E4F1: variants seen among roughly 807,000 people sequenced by gnomAD.
E4F1 encodes E4F transcription factor 1.
In E4F1, 30 loss-of-function variants were observed where a neutral mutation model predicts 72.9. That is an observed-to-expected ratio of 0.41 (90% CI 0.31 to 0.56). E4F1 has a LOEUF of 0.56. Ranked by LOEUF, E4F1 falls within the 20% of genes least tolerant of loss-of-function variation. The pLI is 0.25. For synonymous variants in E4F1, 542 were observed against 478.2 expected (o/e 1.13, Z -1.74); for missense variants, 1,091 against 1,117.5 (o/e 0.98, Z 0.34).
In E4F1 at chr16:2,234,825, G is replaced by C. The variant is rs762538116; in HGVS notation, c.1793-34G>C. 3.9e-6 allele frequency: 6 copies of C among 1,545,124 alleles called. No individual in the cohort carries two copies. The South Asian group carries it at 7.2e-5, about 18-fold the overall frequency. Reference sequence around the variant, plus strand: ...GGGAGGGGGAGGGGAGGGGGCCGGGGCTTGCCTAGCCCTGACCGAGTCCCC... The same window carrying C: ...GGGAGGGGGAGGGGAGGGGGCCGGGCCTTGCCTAGCCCTGACCGAGTCCCC... On this transcript the variant is annotated intron_variant, in intron 11 of 13. Coordinates refer to ENST00000301727, the MANE Select transcript of E4F1 (RefSeq NM_004424.5).
chr16:2,229,003 G>A (rs1228617416), intron 2 of E4F1, among the ~76,000 whole-genome samples: 2 of 152,228 alleles, frequency 1.3e-5, no homozygotes, highest in African/African-American at 2.4e-5. Context: ...ACGCCGCAGC[G>A]GGCGCTTGTC....
rs370942286 is a variant in E4F1, at chr16:2,232,375, G to A, written c.609+11G>A. On this transcript the variant is annotated intron_variant, in intron 4 of 13. Coordinates refer to ENST00000301727, the MANE Select transcript of E4F1 (RefSeq NM_004424.5). Reference sequence around the variant, plus strand: ...AAGACCTTCAAGACGGTGAGCCGGCGTGCGGGGAGCCAGTGTGTGGGTGGC... The same window carrying A: ...AAGACCTTCAAGACGGTGAGCCGGCATGCGGGGAGCCAGTGTGTGGGTGGC... 18 of 1,600,876 alleles carry A rather than the reference G, an allele frequency of 1.1e-5. No individual in the cohort carries two copies. The highest frequency in any genetic ancestry group is 4.5e-5 in the East Asian group (2 of 44,564).
At chr16:2,233,700 G>A in intron 8 of E4F1, 53 bp downstream of exon 8, 1 of 1,509,362 alleles carries the variant, frequency 6.6e-7, no homozygotes, top group Non-Finnish European at 8.9e-7. Context: ...CCCAGGGGCT[G>A]TCCCCACGCT....
intron 2 of E4F1, among the ~76,000 whole-genome samples, chr16:2,228,894 G>A (rs999699654): frequency 3.5e-4 from 53 of 152,350 alleles, no homozygotes; most frequent in African/African-American, 1.3e-3. Context: ...CACGTGAAGT[G>A]TGGCCCTGGG....
At chr16:2,233,737 C>T in intron 8 of E4F1, 90 bp downstream of exon 8, 1 of 1,453,592 alleles carries the variant, frequency 6.9e-7, no homozygotes, top group East Asian at 2.5e-5. Flanking sequence ...AAGTGGCTTT[C>T]TGCAGTGACT....
Position 2,234,843 on chromosome 16 carries a change from G to T in E4F1, c.1793-16G>T. 6.5e-7 allele frequency: 1 copy of T among 1,548,336 alleles called. No homozygotes were observed. Among genetic ancestry groups the T allele is most frequent in the Non-Finnish European group, 8.7e-7 (1 of 1,146,616 alleles). On this transcript the variant is annotated splice_polypyrimidine_tract_variant and intron_variant, in intron 11 of 13. Transcript: ENST00000301727. ...GGCCGGGGCTTGCCTAGCCCTGACC[G>T]AGTCCCCACCCACAGGGGGCTGCCT...
intron 2 of E4F1, 137 bp downstream of exon 2, chr16:2,228,660 T>C (rs2093447296): frequency 1.7e-6 from 2 of 1,144,144 alleles, no homozygotes; most frequent in Non-Finnish European, 2.5e-6. Flanking sequence ...CTGGCTGCGG[T>C]GTGGGAGGGT....
rs549051976 is a variant in E4F1, at chr16:2,234,965, G to C, written c.1899G>C (p.Ser633=). Residue 633 remains serine (S), a synonymous_variant, in exon 12 of 14, where the codon TCG becomes TCC. Transcript: ENST00000301727. ...EDPHTVLVEF[S]SVVADTQEYI... The stretch of plus-strand genomic sequence containing the variant: ...CGCACACAGTGTTGGTGGAGTTCTC[G>C]TCCGTGGTAGCTGACACCCAGGAGT... 1.2e-6 allele frequency: 2 copies of C among 1,600,550 alleles called. No individual in the cohort carries two copies. The highest frequency in any genetic ancestry group is 1.7e-6 in the Non-Finnish European group (2 of 1,173,866).
intron 9 of E4F1, 50 bp downstream of exon 9, chr16:2,234,040 G>T: frequency 6.5e-7 from 1 of 1,539,598 alleles, no homozygotes; most frequent in Non-Finnish European, 8.8e-7. Context: ...GGCTATAGGT[G>T]GCCGGGGTGC....
At chr16:2,229,725 G>A (rs372071032) in intron 3 of E4F1, 50 bp downstream of exon 3, 1 of 1,595,118 alleles carries the variant, frequency 6.3e-7, no homozygotes, top group Non-Finnish European at 8.6e-7. Context: ...CGTGGTTGGG[G>A]CCAGAGGATG....
In E4F1 at chr16:2,228,543, C is replaced by T. The variant is rs920410938; in HGVS notation, c.309+20C>T. ...CAGGAGGTGAGCCCTCACCCACTCC[C>T]CCATCCCCTCCCGGGTTCACCTGAC... is the stretch of plus-strand genomic sequence containing the variant. On this transcript the variant is annotated intron_variant, in intron 2 of 13. Coordinates refer to ENST00000301727, the MANE Select transcript of E4F1 (RefSeq NM_004424.5). The T allele has an allele frequency of 4.4e-6, 7 of 1,607,024 alleles. No homozygotes were observed. Among genetic ancestry groups the T allele is most frequent in the South Asian group, 1.1e-5 (1 of 90,802 alleles).
chr16:2,234,887 G>T lies in E4F1; in HGVS notation c.1821G>T (p.Leu607Phe). ...KGGCLLEVEE[L>F]LVSEDSPAAA... is the part of the protein sequence containing the mutation. ...GCTGCCTGCTGGAGGTGGAGGAGTT[G>T]CTGGTGTCTGAGGACAGCCCCGCGG... Residue 607 changes from leucine to phenylalanine, a missense_variant, in exon 12 of 14, where the codon TTG becomes TTT. Around this residue, in one of 5 missense-constraint regions of E4F1, gnomAD observed 622 missense variants for 628.0 expected, o/e 0.99. Coordinates refer to ENST00000301727, the MANE Select transcript of E4F1 (RefSeq NM_004424.5). 6.4e-7 allele frequency: 1 copy of T among 1,550,828 alleles called. No homozygotes were observed. Among genetic ancestry groups the T allele is most frequent in the Non-Finnish European group, 8.7e-7 (1 of 1,147,276 alleles).
rs1316000397 is a variant in E4F1 at position 2,232,180 on chromosome 16, ACATCAAAGAGGT to A, written c.430_441del (p.Lys144_Ile147del). On this transcript the variant is annotated inframe_deletion, in exon 4 of 14. Transcript: ENST00000301727. ...CAGATGCTTCTCCTAGGTGGTGGGCACATCAAAGAGGTCATCGTGGCTGCTGAGGCGGAGCTG... is the reference window on the plus strand; with the variant it reads ...CAGATGCTTCTCCTAGGTGGTGGGCACATCGTGGCTGCTGAGGCGGAGCTG... The A allele has an allele frequency of 6.2e-7, 1 of 1,611,744 alleles. No individual in the cohort carries two copies. The highest frequency in any genetic ancestry group is 1.3e-5 in the African/African-American group (1 of 74,916).
chr16:2,225,763 T>A (rs915712977), intron 1 of E4F1, among the ~76,000 whole-genome samples: 1 of 128,954 alleles, frequency 7.8e-6, no homozygotes, highest in African/African-American at 2.8e-5. Context: ...TGCGCCACCG[T>A]GCCCGGCTCC....
Position 2,229,122 on chromosome 16 carries a change from C to T in E4F1, c.310-448C>T, listed in dbSNP as rs1451673507. Among the ~76,000 whole-genome samples the T allele has an allele frequency of 3.3e-5, 5 of 152,348 alleles. No individual in the cohort carries two copies. In the East Asian group the frequency reaches 9.7e-4, roughly 29 times the overall value. ...TGGACCCTGGACACCCCACTCTGAG[C>T]CTGTGCTCTTTACCTGCTCCTCCCA... On this transcript the variant is annotated intron_variant, in intron 2 of 13. Coordinates refer to ENST00000301727, the MANE Select transcript of E4F1 (RefSeq NM_004424.5).
chr16:2,234,296 A>G lies in E4F1; in HGVS notation c.1501A>G (p.Lys501Glu). 5.6e-6 allele frequency: 9 copies of G among 1,612,988 alleles called. No homozygotes were observed. The highest frequency in any genetic ancestry group is 7.6e-6 in the Non-Finnish European group (9 of 1,179,988). ...CTGTGGCGACTGCGGGAAGCTCTAC[A>G]AGACCATTGCCCATGTGCGTGGCCA... ...FRCGDCGKLY[K>E]TIAHVRGHRR... The change falls in exon 10 of 14, where the codon AAG (lysine) becomes GAG (glutamate). Residue 501 changes from lysine (K) to glutamate (E), a missense_variant. Coordinates refer to ENST00000301727, the MANE Select transcript of E4F1 (RefSeq NM_004424.5).
chr16:2,233,803 TG>T, intron 8 of E4F1, 78 bp from the exon 9 acceptor site: 1 of 1,434,804 alleles, frequency 7.0e-7, no homozygotes, highest in South Asian at 1.3e-5. Flanking sequence ...CCTGCCAGGG[TG>T]GGGCCCATGG....
rs145239569 is a variant in E4F1 at position 2,232,886 on chromosome 16, C to G, written c.861C>G (p.Val287=). ...IRFSVSKDVV[V]SKEDARAGSG... is the part of the protein sequence containing the mutation. ...TCAGTGTGAGCAAGGACGTGGTTGT[C>G]AGCAAAGAGGACGCACGTGCAGGTC... is the stretch of plus-strand genomic sequence containing the variant. The change falls in exon 6 of 14, where the codon GTC becomes GTG. Residue 287 remains valine (V), a synonymous_variant. Coordinates refer to ENST00000301727, the MANE Select transcript of E4F1 (RefSeq NM_004424.5). The G allele has an allele frequency of 6.2e-6, 10 of 1,613,412 alleles. No homozygotes were observed. The highest frequency in any genetic ancestry group is 8.5e-6 in the Non-Finnish European group (10 of 1,180,020).
In E4F1 at chr16:2,232,771, A is replaced by C. The variant is rs2093476179; in HGVS notation, c.746A>C (p.Lys249Thr). 1.2e-6 allele frequency: 2 copies of C among 1,613,272 alleles called. No individual in the cohort carries two copies. Among genetic ancestry groups the C allele is most frequent in the African/African-American group, 2.7e-5 (2 of 75,042 alleles). ...HRRHTDERPY[K>T]CSKCGKSFRE... Reference sequence around the variant, plus strand: ...CTCTCTGCAGATGAGCGCCCCTACAAGTGCTCCAAGTGTGGAAAGAGCTTC... The same window carrying C: ...CTCTCTGCAGATGAGCGCCCCTACACGTGCTCCAAGTGTGGAAAGAGCTTC... The change falls in exon 6 of 14, where the codon AAG (lysine) becomes ACG (threonine). Residue 249 changes from lysine to threonine, a missense_variant. Lys to Thr is a moderately conservative substitution (Grantham distance 78, BLOSUM62 -1). Transcript: ENST00000301727.
Sources: gnomAD v4.1 joint callset for allele counts (sites outside exome capture counted in the v4.1 genomes callset) on GRCh38, gnomAD v4.1.1 for gene constraint, gnomAD v4.1.1 regional missense constraint, MANE v1.5 for transcripts, NCBI Gene and HGNC (gene_info 2026-07-23, HGNC 2026-07-21) for gene names.